The following GBF1 variants were observed in gnomAD, a reference collection of about 807,000 sequenced individuals.
GBF1 encodes the protein Golgi-specific brefeldin A-resistance guanine nucleotide exchange factor 1.
Under a neutral mutation model 210.5 loss-of-function variants are expected in GBF1, and 114 were observed. The ratio of observed to expected loss-of-function variants is 0.54; its 90% CI spans 0.47 to 0.63. The LOEUF (loss-of-function observed/expected upper bound fraction) is 0.63, where lower values mean the gene tolerates loss of function less well. Ranked by LOEUF, GBF1 falls within the 30% of genes least tolerant of loss-of-function variation. The probability of loss-of-function intolerance (pLI) is 0.00; values close to 1 mark genes in which losing one functional copy is unlikely to be tolerated. For synonymous variants in GBF1, 850 were observed against 889.2 expected, an observed-to-expected ratio of 0.96 and a Z score of 0.78; for missense variants, 1,851 against 2,357.7, an observed-to-expected ratio of 0.79 and a Z score of 4.45.
intron 3 of GBF1, among the ~76,000 whole-genome samples, chr10:102,325,491 A>G (rs746813382): frequency 6.6e-4 from 97 of 147,518 alleles, no homozygotes; most frequent in Middle Eastern, 3.7e-3. Context: ...CGGAGGTTGC[A>G]GTGAGCTGAG....
At chr10:102,251,732 G>A (rs2071568252) in intron 1 of GBF1, among the ~76,000 whole-genome samples, 1 of 151,946 alleles carries the variant, frequency 6.6e-6, no homozygotes, top group South Asian at 2.1e-4. Context: ...TTTTCTTTAT[G>A]TTTTGTAGAG....
At chr10:102,325,305 T>G (rs528770966) in intron 3 of GBF1, among the ~76,000 whole-genome samples, 1 of 152,050 alleles carries the variant, frequency 6.6e-6, no homozygotes, top group African/African-American at 2.4e-5. Flanking sequence ...TCCCAGCACT[T>G]TGGGAGGCCA....
At chr10:102,292,799 T>C (rs772052079) in intron 3 of GBF1, among the ~76,000 whole-genome samples, 4 of 152,218 alleles carry the variant, frequency 2.6e-5, no homozygotes, top group Non-Finnish European at 5.9e-5. Context: ...AAAATTTTGA[T>C]GTAGCAATAT....
At chr10:102,291,945 A>G (rs576178824) in intron 3 of GBF1, among the ~76,000 whole-genome samples, 5 of 140,028 alleles carry the variant, frequency 3.6e-5, no homozygotes, top group East Asian at 4.3e-4. Context: ...GCTGGAGTGC[A>G]GTGGCACAAT....
intron 3 of GBF1, among the ~76,000 whole-genome samples, chr10:102,321,854 C>T (rs955490610): frequency 3.3e-5 from 5 of 151,938 alleles, no homozygotes; most frequent in Non-Finnish European, 5.9e-5. Flanking sequence ...GAGTGAGCCA[C>T]TGCACCCAGC....
Position 102,366,107 on chromosome 10 carries a change from G to A in GBF1, c.2310-276G>A, listed in dbSNP as rs556021861. On this transcript the variant is annotated intron_variant, in intron 18 of 39. Transcript: ENST00000369983. The surrounding 1 kb of genome is among the most constrained non-coding windows in gnomAD (Gnocchi z 4.0). ...TATTGGACCTGAAAGGGACTCCAACGAGATAGTTTGGGGAGCCCCCTCCAT... is the reference window on the plus strand; with the variant it reads ...TATTGGACCTGAAAGGGACTCCAACAAGATAGTTTGGGGAGCCCCCTCCAT... Among the ~76,000 whole-genome samples the A allele has an allele frequency of 2.6e-5, 4 of 152,296 alleles. No homozygotes were observed. In the South Asian group the frequency reaches 6.2e-4, roughly 24 times the overall value.
chr10:102,252,142 C>A (rs571607715), intron 1 of GBF1, among the ~76,000 whole-genome samples: 3 of 151,898 alleles, frequency 2.0e-5, no homozygotes, highest in African/African-American at 7.2e-5. Flanking sequence ...GAGTTTGAGA[C>A]CAGCCTGACC....
intron 3 of GBF1, among the ~76,000 whole-genome samples, chr10:102,276,802 G>C (rs189971956): frequency 1.6e-4 from 25 of 152,264 alleles, no homozygotes; most frequent in Non-Finnish European, 2.8e-4. Context: ...TTGTTTTACT[G>C]CTATTTAGAA....
At chr10:102,278,295 T>A (rs574195574) in intron 3 of GBF1, among the ~76,000 whole-genome samples, 3 of 151,400 alleles carry the variant, frequency 2.0e-5, no homozygotes, top group Non-Finnish European at 4.4e-5. Context: ...TTTTTAGAGT[T>A]ATGGAGTTAT....
intron 1 of GBF1, among the ~76,000 whole-genome samples, chr10:102,258,086 C>T (rs1176473724): frequency 6.6e-6 from 1 of 151,916 alleles, no homozygotes; most frequent in African/African-American, 2.4e-5. Context: ...CTAAAGACCC[C>T]CAGGAGAGCC....
chr10:102,296,599 G>A (rs555500360), intron 3 of GBF1, among the ~76,000 whole-genome samples: 6 of 152,216 alleles, frequency 3.9e-5, no homozygotes, highest in Admixed American at 6.5e-5. Flanking sequence ...AAAATTAGCC[G>A]GGCTTAGTGG....
At chr10:102,362,432 T>G (rs374485393) in intron 14 of GBF1, 43 bp from the exon 15 acceptor site, 12 of 1,338,452 alleles carry the variant, frequency 9.0e-6, no homozygotes, top group Non-Finnish European at 1.3e-5. Context: ...AAGTGTAAAG[T>G]GTTCTCCTAA....
chr10:102,261,615 C>CTTTTTTT (rs10711743), intron 3 of GBF1, among the ~76,000 whole-genome samples: 3 of 116,090 alleles, frequency 2.6e-5, no homozygotes, highest in Non-Finnish European at 3.5e-5. Flanking sequence ...TTCTTTCTTT[C>CTTTTTTT]TTTTTTTTTT....
At chr10:102,325,894 C>G (rs1263456563) in intron 3 of GBF1, among the ~76,000 whole-genome samples, 1 of 152,176 alleles carries the variant, frequency 6.6e-6, no homozygotes. Flanking sequence ...AAGTGATCCA[C>G]CTGCCTCGGC....
At chr10:102,377,347 A>T (rs781436151) in intron 33 of GBF1, among the ~76,000 whole-genome samples, 97 of 69,884 alleles carry the variant, frequency 1.4e-3, no homozygotes, top group Middle Eastern at 0.018. Flanking sequence ...TTTTATTTTT[A>T]TTTATTTATT....
chr10:102,242,382 C>T (rs1448058419), upstream of GBF1, among the ~76,000 whole-genome samples: 1 of 152,206 alleles, frequency 6.6e-6, no homozygotes, highest in South Asian at 2.1e-4. Context: ...TCAGTCTGTA[C>T]CCTTGTCTTG....
At chr10:102,331,894 C>T (rs923712327) in intron 3 of GBF1, among the ~76,000 whole-genome samples, 2 of 127,060 alleles carry the variant, frequency 1.6e-5, no homozygotes, top group Non-Finnish European at 3.1e-5. Context: ...GCGTCTGGCT[C>T]TGTCGCCCAG....
chr10:102,381,213 C>T lies in GBF1; in HGVS notation c.5260C>T (p.His1754Tyr). The stretch of plus-strand genomic sequence containing the variant: ...TGCTGGCGACACTAGGACACCTGGC[C>T]ATCCACCGCCCCCAGAGATTCCATC... ...SAAGDTRTPG[H>Y]PPPPEIPSEL... The change falls in exon 39 of 40, where the codon CAT becomes TAT. Residue 1754 changes from histidine (H) to tyrosine (Y), a missense_variant. His to Tyr is a moderately conservative substitution (Grantham distance 83, BLOSUM62 2). Transcript: ENST00000369983. 6 of 1,613,948 alleles carry T rather than the reference C, an allele frequency of 3.7e-6. No homozygotes were observed. The highest frequency in any genetic ancestry group is 5.1e-6 in the Non-Finnish European group (6 of 1,179,960).
chr10:102,370,177 T>G lies in GBF1; in HGVS notation c.3343T>G (p.Cys1115Gly). ...KRVALECIKQCDPEKMITESK... is the reference protein window; with the variant it reads ...KRVALECIKQGDPEKMITESK... ...CTCTCTCTTTTGCCCTCTCTAGCAA[T>G]GTGACCCAGAAAAAATGATCACAGA... The change falls in exon 27 of 40, where the codon TGT becomes GGT. Residue 1115 changes from cysteine (C) to glycine (G), a missense_variant. Transcript: ENST00000369983. 5 of 1,610,896 alleles carry G rather than the reference T, an allele frequency of 3.1e-6. No individual in the cohort carries two copies. Among genetic ancestry groups the G allele is most frequent in the Non-Finnish European group, 4.2e-6 (5 of 1,177,052 alleles).
Sources: allele counts gnomAD v4.1 joint callset (sites outside exome capture counted in the v4.1 genomes callset), GRCh38; gene constraint gnomAD v4.1.1; non-coding constraint Gnocchi (gnomAD v3.1); transcripts MANE v1.5; gene names NCBI Gene and HGNC (gene_info 2026-07-23, HGNC 2026-07-21).